Variants in NAP1L4 observed in about 807,000 individuals in gnomAD.
NAP1L4 encodes nucleosome assembly protein 1 like 4.
Under a neutral mutation model 58.2 loss-of-function variants are expected in NAP1L4, and 15 were observed. The observed-to-expected ratio is 0.26, with a 90% CI of 0.17 to 0.40. NAP1L4 has a LOEUF of 0.40. NAP1L4 is among the 10% of genes least tolerant of loss of function. NAP1L4 has a pLI of 1.00. For missense variants in NAP1L4, 384 were observed against 451.1 expected (o/e 0.85, Z 1.35); for synonymous variants, 171 against 155.6 (o/e 1.10, Z -0.74).
At position 2,945,587 on chromosome 11, in the gene NAP1L4, C is replaced by A; in HGVS notation, c.*92G>T. The A allele has an allele frequency of 6.5e-7, 1 of 1,535,646 alleles. No individual in the cohort carries two copies. On this transcript the variant is annotated 3_prime_UTR_variant, in exon 16 of 16. Coordinates refer to ENST00000380542, the MANE Select transcript of NAP1L4 (RefSeq NM_005969.4). ...GCCTGGAGTCCCGACAGCCGGTCTG[C>A]CAGGCACCCGCCTCCGCTTCCTACT... is the stretch of plus-strand genomic sequence containing the variant.
In NAP1L4 at chr11:2,951,815, G is replaced by A. The variant is rs779802520; in HGVS notation, c.1036-6C>T. ...CCTTCTTCACCTTCTTCAAACTGGA[G>A]AAACACAGAAAAACATTTTTAGGTT... On this transcript the variant is annotated splice_region_variant and splice_polypyrimidine_tract_variant and intron_variant, in intron 12 of 15. Transcript: ENST00000380542. The surrounding 1 kb of genome is among the most constrained non-coding windows in gnomAD (Gnocchi z 4.0). 6.2e-7 allele frequency: 1 copy of A among 1,613,982 alleles called. No individual in the cohort carries two copies. The highest frequency in any genetic ancestry group is 1.7e-5 in the Admixed American group (1 of 59,998).
chr11:2,972,450 A>G (rs1002454740), intron 4 of NAP1L4, among the ~76,000 whole-genome samples: 1 of 152,244 alleles, frequency 6.6e-6, no homozygotes, highest in Non-Finnish European at 1.5e-5. Flanking sequence ...CAAAAGAAAA[A>G]ACACAAATTG....
At chr11:2,958,651 A>C (rs1372868305) in intron 9 of NAP1L4, 107 bp from the exon 10 acceptor site, 9 of 1,166,186 alleles carry the variant, frequency 7.7e-6, no homozygotes, top group Non-Finnish European at 1.1e-5. Flanking sequence ...GGAAAACGAA[A>C]TAAAACCAAT....
At position 2,975,610 on chromosome 11, in the gene NAP1L4, T is replaced by C. The variant is rs1284233885; in HGVS notation, c.173+414A>G. Among the ~76,000 whole-genome samples the C allele has an allele frequency of 3.3e-5, 5 of 150,980 alleles. No homozygotes were observed. The South Asian group carries it at 8.4e-4, about 26-fold the overall frequency. On this transcript the variant is annotated intron_variant, in intron 4 of 15. Transcript: ENST00000380542. ...TCTCACTGTCACCCAGGCTGGAGGG[T>C]AGTGAAAACTCATAGGCATGCGGCA...
Position 2,944,690 on chromosome 11 carries a change from G to A in NAP1L4, c.*989C>T, listed in dbSNP as rs1564968618. 1 of 152,222 alleles carries A rather than the reference G, an allele frequency of 6.6e-6. No individual in the cohort carries two copies. 9.4% of individuals were successfully genotyped at this position (152,222 alleles called of 1,614,324 possible). On this transcript the variant is annotated 3_prime_UTR_variant, in exon 16 of 16. Transcript: ENST00000380542. ...GGTGGGGCCCCGCAATGGGGCTACT[G>A]AGAAAGCAGGACTTGACGCTCATAC...
chr11:2,964,081 G>T (rs1847112652), intron 8 of NAP1L4, among the ~76,000 whole-genome samples: 1 of 151,972 alleles, frequency 6.6e-6, no homozygotes, highest in African/African-American at 2.4e-5. Context: ...ACGTGTTTCA[G>T]GACAAATCAA....
At chr11:2,978,254 A>G (rs767848130) in intron 3 of NAP1L4, 30 bp downstream of exon 3, 2 of 1,607,498 alleles carry the variant, frequency 1.2e-6, no homozygotes, top group Non-Finnish European at 1.7e-6. Flanking sequence ...CCCATACTGG[A>G]TGCAAACTCT....
chr11:2,963,485 G>C (rs3825063), intron 8 of NAP1L4, among the ~76,000 whole-genome samples: 34,954 of 152,130 alleles, frequency 0.23, 4,202 homozygotes, highest in South Asian at 0.34. Flanking sequence ...CCAGCTCCCA[G>C]GGCCCCACCT....
rs752866436 is a variant in NAP1L4 at position 2,951,733 on chromosome 11, A to C, written c.1065+47T>G. The stretch of plus-strand genomic sequence containing the variant: ...AACCTTCAAGCAGAGAAAGCCAAAG[A>C]AACAACTTCAGGGAGGTAAGTGGCA... On this transcript the variant is annotated intron_variant, in intron 13 of 15. Transcript: ENST00000380542. The surrounding 1 kb of genome is among the most constrained non-coding windows in gnomAD (Gnocchi z 4.0). The C allele has an allele frequency of 2.2e-5, 35 of 1,602,784 alleles. No individual in the cohort carries two copies. Among genetic ancestry groups the C allele is most frequent in the Non-Finnish European group, 2.9e-5 (34 of 1,170,490 alleles).
intron 7 of NAP1L4, among the ~76,000 whole-genome samples, chr11:2,965,719 A>C (rs1192099772): frequency 6.6e-6 from 1 of 152,036 alleles, no homozygotes; most frequent in East Asian, 1.9e-4. Flanking sequence ...TTTAGTAGAG[A>C]CGGGGTTTCA....
At position 2,955,279 on chromosome 11, in the gene NAP1L4, C is replaced by T. The variant is rs1380590101; in HGVS notation, c.915+465G>A. On this transcript the variant is annotated intron_variant, in intron 11 of 15. Transcript: ENST00000380542. This position sits in a 1 kb window ranked among gnomAD's most constrained non-coding sequence, Gnocchi z 4.2. ...TGGTGCAATCTCAGCTCACTGCAAC[C>T]TCCTCCTCTCGGGTTCAAGTGATTC... 6.6e-6 allele frequency among the ~76,000 whole-genome samples: 1 copy of T among 152,148 alleles called. No homozygotes were observed. Among genetic ancestry groups the T allele is most frequent in the African/African-American group, 2.4e-5 (1 of 41,436 alleles).
chr11:2,960,014 A>C, intron 8 of NAP1L4, 105 bp from the exon 9 acceptor site: 13 of 1,207,316 alleles, frequency 1.1e-5, no homozygotes, highest in African/African-American at 3.1e-5. Context: ...GGGAAAGCTC[A>C]ACAGATAGGG....
Position 2,945,573 on chromosome 11 carries a change from C to T in NAP1L4, c.*106G>A. ...GGCCCCGCCCACAGGCCTGGAGTCC[C>T]GACAGCCGGTCTGCCAGGCACCCGC... On this transcript the variant is annotated 3_prime_UTR_variant, in exon 16 of 16. Transcript: ENST00000380542. The T allele has an allele frequency of 1.3e-6, 2 of 1,533,628 alleles. No individual in the cohort carries two copies. Among genetic ancestry groups the T allele is most frequent in the Non-Finnish European group, 1.7e-6 (2 of 1,144,860 alleles).
chr11:2,964,548 T>A, intron 8 of NAP1L4, 132 bp downstream of exon 8: 1 of 685,274 alleles, frequency 1.5e-6, no homozygotes. Flanking sequence ...GAGAGCAGTC[T>A]CGCCCAGGGC....
intron 1 of NAP1L4, among the ~76,000 whole-genome samples, chr11:2,980,686 A>G (rs1040814538): frequency 2.6e-5 from 4 of 152,186 alleles, no homozygotes; most frequent in Non-Finnish European, 4.4e-5. Context: ...ACCTGAGCAA[A>G]GCCCAAACCA....
At chr11:2,947,146 T>A (rs1845979766) in intron 15 of NAP1L4, among the ~76,000 whole-genome samples, 1 of 152,176 alleles carries the variant, frequency 6.6e-6, no homozygotes, top group Non-Finnish European at 1.5e-5. Context: ...ATCCCAAATC[T>A]GAGATACTCC....
At chr11:2,969,977 C>G (rs1847541030) in intron 6 of NAP1L4, 43 bp from the exon 7 acceptor site, 1 of 1,584,150 alleles carries the variant, frequency 6.3e-7, no homozygotes, top group Non-Finnish European at 8.6e-7. Flanking sequence ...TAAAAGTTTA[C>G]AAACAATGCA....
intron 4 of NAP1L4, among the ~76,000 whole-genome samples, chr11:2,973,471 C>A (rs1448472443): frequency 6.6e-6 from 1 of 152,104 alleles, no homozygotes; most frequent in Non-Finnish European, 1.5e-5. Context: ...CAAGTCTAAG[C>A]ACTTGACTTA....
intron 8 of NAP1L4, among the ~76,000 whole-genome samples, chr11:2,962,870 G>A (rs761483925): frequency 2.0e-5 from 3 of 152,068 alleles, no homozygotes; most frequent in Non-Finnish European, 4.4e-5. Context: ...GGAAGGCTGA[G>A]GCGGGTGGAT....
Sources: gnomAD v4.1 joint callset for allele counts (sites outside exome capture counted in the v4.1 genomes callset) on GRCh38, gnomAD v4.1.1 for gene constraint, Gnocchi (gnomAD v3.1) non-coding constraint, MANE v1.5 for transcripts, NCBI Gene and HGNC (gene_info 2026-07-23, HGNC 2026-07-21) for gene names.